The following SAA4 variants were observed in gnomAD, a reference collection of about 807,000 sequenced individuals.
SAA4 encodes serum amyloid A-4 protein.
SAA4 carries 8 observed loss-of-function variants against 11.2 expected under a neutral mutation model. That is an observed-to-expected ratio of 0.71 (90% CI 0.42 to 1.29). SAA4 has a LOEUF of 1.29. Ranked by LOEUF, SAA4 falls within the 50% of genes most tolerant of loss-of-function variation. The probability of loss-of-function intolerance (pLI) is 0.01; values close to 1 mark genes in which losing one functional copy is unlikely to be tolerated. For synonymous variants in SAA4, 60 were observed against 56.2 expected, an observed-to-expected ratio of 1.07 and a Z score of -0.30; for missense variants, 171 against 164.2, an observed-to-expected ratio of 1.04 and a Z score of -0.23.
At chr11:18,233,983 C>G (rs1857174382) in intron 2 of SAA4, among the ~76,000 whole-genome samples, 1 of 152,116 alleles carries the variant, frequency 6.6e-6, no homozygotes, top group South Asian at 2.1e-4. Context: ...ACATGTACAC[C>G]AATGTTTATT....
chr11:18,235,686 C>G (rs1857198481), intron 2 of SAA4, 150 bp downstream of exon 2: 1 of 693,712 alleles, frequency 1.4e-6, no homozygotes, highest in African/African-American at 1.9e-5. Flanking sequence ...ATAAATCAGA[C>G]CAGCCTAGAG....
In SAA4 at chr11:18,232,310, G is replaced by T. The variant is rs1031478935; in HGVS notation, c.230+85C>A. 1.0e-5 allele frequency: 16 copies of T among 1,547,670 alleles called. No homozygotes were observed. The African/African-American group carries it at 1.9e-4, about 19-fold the overall frequency. ...CCAGACCCCAGGAGTATGTGGAGGA[G>T]GGGAAAGAGCCACAGGTTCTCCTGA... On this transcript the variant is annotated intron_variant, in intron 3 of 3. Coordinates refer to ENST00000278222, the MANE Select transcript of SAA4 (RefSeq NM_006512.4).
chr11:18,235,978 G>C, intron 1 of SAA4, 48 bp from the exon 2 acceptor site: 1 of 1,516,078 alleles, frequency 6.6e-7, no homozygotes, highest in East Asian at 2.4e-5. Flanking sequence ...AAAAAACACA[G>C]ATCTATGTTT....
chr11:18,233,016 A>C (rs553867119), intron 2 of SAA4, among the ~76,000 whole-genome samples: 1 of 152,354 alleles, frequency 6.6e-6, no homozygotes, highest in South Asian at 2.1e-4. Flanking sequence ...AGGGGGCTGC[A>C]CATCTACCAT....
rs1222277298 is a variant in SAA4, at chr11:18,236,066, C to A, written c.-4-136G>T. ...TCTCCTTCCTTTCTTTCTTTCCTCC[C>A]TTTCTTTCTTTCTTTTTTTTTTCCT... On this transcript the variant is annotated intron_variant, in intron 1 of 3. Coordinates refer to ENST00000278222, the MANE Select transcript of SAA4 (RefSeq NM_006512.4). 10 of 897,294 alleles carry A rather than the reference C, an allele frequency of 1.1e-5. No homozygotes were observed. In the South Asian group the frequency reaches 1.9e-4, roughly 17 times the overall value. The allele number at this position is 897,294 out of a possible 1,614,324, so 55.6% of individuals were successfully genotyped here.
chr11:18,231,369 C>T lies in SAA4; in HGVS notation c.*133G>A, dbSNP rs1857130849. 11 of 1,350,812 alleles carry T rather than the reference C, an allele frequency of 8.1e-6. No homozygotes were observed. The highest frequency in any genetic ancestry group is 2.9e-5 in the African/African-American group (2 of 68,360). The allele number at this position is 1,350,812 out of a possible 1,614,324, so 83.7% of individuals were successfully genotyped here. A position where few individuals can be genotyped will look rare whatever the true frequency, so the allele number is the denominator to read the frequency against. ...CCACCAACAAATTCAATTTGACAAA[C>T]ATTTATTGAACACCTCTAGGTGCCC... On this transcript the variant is annotated 3_prime_UTR_variant, in exon 4 of 4. Transcript: ENST00000278222.
At chr11:18,234,998 A>T (rs1179827784) in intron 2 of SAA4, among the ~76,000 whole-genome samples, 1 of 152,264 alleles carries the variant, frequency 6.6e-6, no homozygotes, top group Non-Finnish European at 1.5e-5. Flanking sequence ...ATGCTGGTGG[A>T]CCATACAACA....
At position 18,235,948 on chromosome 11, in the gene SAA4, CAG is replaced by C. The variant is rs746008007; in HGVS notation, c.-4-20_-4-19del. 4 of 1,597,666 alleles carry C rather than the reference CAG, an allele frequency of 2.5e-6. No homozygotes were observed. In the South Asian group the frequency reaches 3.4e-5, roughly 14 times the overall value. ...TCATTGTGCTGAAGAGAAAGAAAGA[CAG>C]GGGCAGAGGATCATAAAAAAAAACA... On this transcript the variant is annotated intron_variant, in intron 1 of 3. Coordinates refer to ENST00000278222, the MANE Select transcript of SAA4 (RefSeq NM_006512.4).
At chr11:18,236,192 A>G (rs7941922) in intron 1 of SAA4, among the ~76,000 whole-genome samples, 2,595 of 148,898 alleles carry the variant, frequency 0.017, 89 homozygotes, top group African/African-American at 0.061. Flanking sequence ...AGTATTAAGG[A>G]CTACAAACGT....
chr11:18,231,695 A>T (rs937018830), intron 3 of SAA4, 31 bp from the exon 4 acceptor site: 6 of 1,594,440 alleles, frequency 3.8e-6, no homozygotes, highest in Non-Finnish European at 5.1e-6. Flanking sequence ...ACAGGAGATT[A>T]ATCTCTTGAC....
chr11:18,234,899 T>G (rs767223229), intron 2 of SAA4, among the ~76,000 whole-genome samples: 1 of 152,230 alleles, frequency 6.6e-6, no homozygotes, highest in Non-Finnish European at 1.5e-5. Flanking sequence ...ATGCTATTCC[T>G]AGTCCCACTT....
intron 2 of SAA4, among the ~76,000 whole-genome samples, chr11:18,234,491 T>C (rs907344552): frequency 3.9e-5 from 6 of 152,242 alleles, no homozygotes; most frequent in Non-Finnish European, 7.3e-5. Context: ...GGAAGAGCTA[T>C]AGAAAATGTC....
chr11:18,234,558 G>A (rs556698168), intron 2 of SAA4, among the ~76,000 whole-genome samples: 12 of 152,284 alleles, frequency 7.9e-5, no homozygotes, highest in Non-Finnish European at 1.0e-4. Flanking sequence ...TGTGGTTTAC[G>A]TGTTACCAAG....
intron 2 of SAA4, among the ~76,000 whole-genome samples, chr11:18,232,960 C>T (rs1181235173): frequency 6.6e-6 from 1 of 152,224 alleles, no homozygotes; most frequent in East Asian, 1.9e-4. Context: ...AATAGTACTA[C>T]AGATGTAAGA....
At chr11:18,234,552 G>T (rs1857184113) in intron 2 of SAA4, among the ~76,000 whole-genome samples, 1 of 152,198 alleles carries the variant, frequency 6.6e-6, no homozygotes, top group South Asian at 2.1e-4. Context: ...TTCTGCTGTG[G>T]TTTACGTGTT....
At chr11:18,236,075 TTTC>T in intron 1 of SAA4, 145 bp from the exon 2 acceptor site, 7 of 891,974 alleles carry the variant, frequency 7.8e-6, no homozygotes, top group Middle Eastern at 3.0e-4. Context: ...CCTTTCTTTC[TTTC>T]TTTTTTTTTT....
intron 2 of SAA4, among the ~76,000 whole-genome samples, chr11:18,232,863 T>C (rs1184843909): frequency 6.6e-6 from 1 of 152,070 alleles, no homozygotes; most frequent in Non-Finnish European, 1.5e-5. Context: ...TGGTTGGCAG[T>C]TGTCATGCCC....
At chr11:18,231,732 C>T in intron 3 of SAA4, 68 bp from the exon 4 acceptor site, 2 of 1,523,212 alleles carry the variant, frequency 1.3e-6, no homozygotes, top group African/African-American at 1.4e-5. Context: ...GACAGCTCCA[C>T]CTGCTAACTC....
At chr11:18,234,133 T>C (rs986769917) in intron 2 of SAA4, among the ~76,000 whole-genome samples, 3 of 152,250 alleles carry the variant, frequency 2.0e-5, no homozygotes, top group African/African-American at 7.2e-5. Flanking sequence ...ACAAATGCTG[T>C]CATGTATATT....
Sources: allele counts gnomAD v4.1 joint callset (sites outside exome capture counted in the v4.1 genomes callset), GRCh38; gene constraint gnomAD v4.1.1; transcripts MANE v1.5; gene names NCBI Gene and HGNC (gene_info 2026-07-23, HGNC 2026-07-21).